The following CLIP1 variants were observed in gnomAD, a reference collection of about 807,000 sequenced individuals.
CLIP1 encodes the protein CAP-Gly domain-containing linker protein 1.
In CLIP1, 66 loss-of-function variants were observed where a neutral mutation model predicts 161.6. The observed-to-expected ratio is 0.41, with a 90% CI of 0.33 to 0.50. The LOEUF (loss-of-function observed/expected upper bound fraction) is 0.50. Among genes scored for constraint, CLIP1 ranks in the 20% least tolerant of loss-of-function variants. The pLI is 0.27. For synonymous variants in CLIP1, 598 were observed against 626.2 expected (o/e 0.96, Z 0.67); for missense variants, 1,376 against 1,702.0 (o/e 0.81, Z 3.37).
intron 24 of CLIP1, chr12:122,276,662 T>A: frequency 3.0e-6 from 1 of 334,466 alleles, no homozygotes; most frequent in Non-Finnish European, 5.6e-6. Flanking sequence ...TATTTAAATA[T>A]AAAATGTGGC....
At position 122,387,877 on chromosome 12, in the gene CLIP1, C is replaced by T. The variant is rs1453642864; in HGVS notation, c.-106-7319G>A. On this transcript the variant is annotated intron_variant, in intron 1 of 25. Transcript: ENST00000620786. ...CTGGGATTAAAGGCGTGAACCACTG[C>T]ACCTGGCCTATTATTATTTCTAATG... 2.0e-5 allele frequency among the ~76,000 whole-genome samples: 3 copies of T among 152,006 alleles called. No homozygotes were observed. The South Asian group carries it at 6.2e-4, about 32-fold the overall frequency.
chr12:122,287,157 C>G (rs73404013), intron 21 of CLIP1, among the ~76,000 whole-genome samples: 2,221 of 151,916 alleles, frequency 0.015, 53 homozygotes, highest in African/African-American at 0.05. Context: ...TGGGGAGACA[C>G]AGCAAGATCA....
intron 20 of CLIP1, among the ~76,000 whole-genome samples, chr12:122,299,829 T>C (rs1050837484): frequency 9.2e-5 from 14 of 151,654 alleles, no homozygotes; most frequent in African/African-American, 2.7e-4. Context: ...GGCAGGAGAA[T>C]GGCGTGAACC....
At chr12:122,308,497 AG>A (rs1950955687) in intron 20 of CLIP1, among the ~76,000 whole-genome samples, 1 of 152,218 alleles carries the variant, frequency 6.6e-6, no homozygotes, top group Admixed American at 6.5e-5. Context: ...TCATCAAAGG[AG>A]AGTGCAGTGA....
chr12:122,377,612 G>C lies in CLIP1; in HGVS notation c.434C>G (p.Ala145Gly), dbSNP rs764758567. The C allele has an allele frequency of 4.0e-5, 64 of 1,613,814 alleles. No homozygotes were observed. The highest frequency in any genetic ancestry group is 5.3e-5 in the Non-Finnish European group (62 of 1,180,016). Residue 145 changes from alanine (A) to glycine (G), a missense_variant, in exon 3 of 26, where the codon GCT becomes GGT. Physicochemically the swap from Ala to Gly is moderately conservative, Grantham distance 60. Coordinates refer to ENST00000620786, the MANE Select transcript of CLIP1 (RefSeq NM_001247997.2). ...NGLQTTPASR[A>G]TSPLCTSTAS... ...CGTAGAAGTGCACAGCGGTGAAGTA[G>C]CTCGGGAGGCGGGCGTTGTCTGCAG... is the stretch of plus-strand genomic sequence containing the variant.
intron 14 of CLIP1, among the ~76,000 whole-genome samples, chr12:122,333,483 C>T (rs1241528374): frequency 6.6e-6 from 1 of 152,032 alleles, no homozygotes; most frequent in East Asian, 1.9e-4. Flanking sequence ...GAAAGGAACA[C>T]CCACCACGTC....
At chr12:122,314,652 C>T (rs1481538714) in intron 19 of CLIP1, among the ~76,000 whole-genome samples, 9 of 152,130 alleles carry the variant, frequency 5.9e-5, no homozygotes, top group Non-Finnish European at 1.2e-4. Flanking sequence ...GGGAGTCTCT[C>T]GTGGCAGTTC....
chr12:122,378,941 T>C (rs890868262), intron 2 of CLIP1, among the ~76,000 whole-genome samples: 2 of 151,094 alleles, frequency 1.3e-5, no homozygotes, highest in African/African-American at 4.9e-5. Flanking sequence ...GCCTGACCAA[T>C]GTGGAGAAAC....
At chr12:122,375,046 C>G (rs1456564230) in intron 3 of CLIP1, among the ~76,000 whole-genome samples, 1 of 152,140 alleles carries the variant, frequency 6.6e-6, no homozygotes, top group Non-Finnish European at 1.5e-5. Flanking sequence ...CTAAATGCAG[C>G]ACTGTAGCCT....
At position 122,328,112 on chromosome 12, in the gene CLIP1, C is replaced by T. The variant is rs765546468; in HGVS notation, c.3084G>A (p.Arg1028=). Residue 1028 remains arginine, a synonymous_variant, in exon 17 of 26, where the codon AGG becomes AGA. Coordinates refer to ENST00000620786, the MANE Select transcript of CLIP1 (RefSeq NM_001247997.2). ...TTGTCTCAGAAGTGGCTCTCTCATA[C>T]CTGGCTTTCAGCTCCTGACACTGGT... The part of the protein sequence containing the change: ...SHNQCQELKA[R]YERATSETKT... The T allele has an allele frequency of 3.1e-6, 5 of 1,614,158 alleles. No individual in the cohort carries two copies. Among genetic ancestry groups the T allele is most frequent in the African/African-American group, 1.3e-5 (1 of 75,040 alleles).
At chr12:122,281,196 C>T (rs1037822055) in intron 21 of CLIP1, among the ~76,000 whole-genome samples, 2 of 152,152 alleles carry the variant, frequency 1.3e-5, no homozygotes, top group African/African-American at 4.8e-5. Context: ...ACAGAAATTT[C>T]TTGAATTAAA....
At chr12:122,362,706 AAT>A (rs57875337) in intron 4 of CLIP1, among the ~76,000 whole-genome samples, 10,433 of 81,596 alleles carry the variant, frequency 0.13, 804 homozygotes, top group East Asian at 0.47. Context: ...TTTCAATAAA[AAT>A]ATGATAAAAA....
At chr12:122,328,771 C>A (rs1951812623) in intron 15 of CLIP1, among the ~76,000 whole-genome samples, 1 of 152,148 alleles carries the variant, frequency 6.6e-6, no homozygotes, top group Non-Finnish European at 1.5e-5. Flanking sequence ...TTAGTAGAGA[C>A]AGGGTTTCAC....
intron 15 of CLIP1, among the ~76,000 whole-genome samples, chr12:122,331,866 G>A (rs1177341422): frequency 2.0e-5 from 3 of 151,726 alleles, no homozygotes; most frequent in South Asian, 2.1e-4. Flanking sequence ...GTGGTGGCAC[G>A]TGCCTGTAGT....
intron 20 of CLIP1, among the ~76,000 whole-genome samples, chr12:122,293,222 G>A (rs1950326644): frequency 6.6e-6 from 1 of 152,034 alleles, no homozygotes; most frequent in East Asian, 1.9e-4. Flanking sequence ...AGTAAGCACA[G>A]GAAATGATAC....
At chr12:122,411,805 A>G (rs1261270685) in intron 1 of CLIP1, among the ~76,000 whole-genome samples, 1 of 152,150 alleles carries the variant, frequency 6.6e-6, no homozygotes, top group Non-Finnish European at 1.5e-5. Flanking sequence ...TGGATACATG[A>G]TTTCTTCTGG....
At chr12:122,407,150 G>A (rs558901501) in intron 1 of CLIP1, among the ~76,000 whole-genome samples, 31 of 152,146 alleles carry the variant, frequency 2.0e-4, no homozygotes, top group African/African-American at 6.5e-4. Flanking sequence ...TTATACTAAC[G>A]TGTAAAAAGA....
chr12:122,404,509 G>C (rs1333569809), intron 1 of CLIP1, among the ~76,000 whole-genome samples: 1 of 152,104 alleles, frequency 6.6e-6, no homozygotes, highest in Admixed American at 6.6e-5. Context: ...TGAGGCAGGA[G>C]AATCGCTTGA....
intron 1 of CLIP1, among the ~76,000 whole-genome samples, chr12:122,394,088 G>A (rs1478242129): frequency 6.6e-6 from 1 of 152,020 alleles, no homozygotes; most frequent in African/African-American, 2.4e-5. Context: ...TGGGTGCAAA[G>A]CAATAAGAAA....
Sources: gnomAD v4.1 joint callset for allele counts (sites outside exome capture counted in the v4.1 genomes callset) on GRCh38, gnomAD v4.1.1 for gene constraint, MANE v1.5 for transcripts, NCBI Gene and HGNC (gene_info 2026-07-23, HGNC 2026-07-21) for gene names.